The following POC1A variants were observed in gnomAD, a reference collection of about 807,000 sequenced individuals.
POC1A encodes POC1 centriolar protein A.
POC1A carries 34 observed loss-of-function variants against 47.8 expected under a neutral mutation model. The observed-to-expected ratio is 0.71, with a 90% confidence interval of 0.54 to 0.95. The LOEUF (loss-of-function observed/expected upper bound fraction) is 0.95, where lower values mean the gene tolerates loss of function less well. POC1A is among the 40% of genes least tolerant of loss of function. POC1A has a pLI of 0.00. For synonymous variants in POC1A, 177 were observed against 207.6 expected, an observed-to-expected ratio of 0.85 and a Z score of 1.27; for missense variants, 466 against 528.3, an observed-to-expected ratio of 0.88 and a Z score of 1.16.
intron 10 of POC1A, among the ~76,000 whole-genome samples, chr3:52,078,731 C>T (rs531337553): frequency 7.9e-5 from 12 of 152,266 alleles, no homozygotes; most frequent in African/African-American, 2.6e-4. Flanking sequence ...GATCTCCTGA[C>T]CTCGTGATCC....
chr3:52,076,669 G>A (rs936709349), intron 10 of POC1A, among the ~76,000 whole-genome samples: 2 of 152,282 alleles, frequency 1.3e-5, no homozygotes, highest in South Asian at 2.1e-4. Flanking sequence ...CAGTGCGAAA[G>A]ACAACCAAGC....
rs1173219607 is a variant in POC1A at position 52,090,897 on chromosome 3, C to T, written c.1125+5672G>A. Reference sequence around the variant, plus strand: ...AGATGAAAAGGCCCCAGGGGAAGTCCTGGCCCCATGTGAAGAGGCTGACCT... The same window carrying T: ...AGATGAAAAGGCCCCAGGGGAAGTCTTGGCCCCATGTGAAGAGGCTGACCT... On this transcript the variant is annotated intron_variant, in intron 10 of 10. Coordinates refer to ENST00000296484, the MANE Select transcript of POC1A (RefSeq NM_015426.5). This position sits in a 1 kb window ranked among gnomAD's most constrained non-coding sequence, Gnocchi z 4.2. Among the ~76,000 whole-genome samples the T allele has an allele frequency of 6.6e-6, 1 of 152,176 alleles. No individual in the cohort carries two copies. The highest frequency in any genetic ancestry group is 1.5e-5 in the Non-Finnish European group (1 of 68,006).
chr3:52,100,079 C>T (rs898111091), intron 9 of POC1A, among the ~76,000 whole-genome samples: 1 of 152,202 alleles, frequency 6.6e-6, no homozygotes, highest in African/African-American at 2.4e-5. Flanking sequence ...TGGCCTCTCA[C>T]AGTTGGTTAA....
rs1704339541 is a variant in POC1A, at chr3:52,134,014, A to G, written c.813+4155T>C. Among the ~76,000 whole-genome samples the G allele has an allele frequency of 2.6e-5, 4 of 152,184 alleles. No homozygotes were observed. In the South Asian group the frequency reaches 8.3e-4, roughly 32 times the overall value. On this transcript the variant is annotated intron_variant, in intron 7 of 10. Transcript: ENST00000296484. ...AGCAGGTCCCCTGCGTCCAAACCAA[A>G]GTTTCATGGGGCTCCCTTCTGTTGG...
At chr3:52,147,283 T>G (rs1260152320) in intron 4 of POC1A, among the ~76,000 whole-genome samples, 188 bp from the exon 5 acceptor site, 1 of 152,012 alleles carries the variant, frequency 6.6e-6, no homozygotes. Context: ...CAGGAACAAA[T>G]GCATTGCATC....
chr3:52,140,198 G>C (rs1577910078), intron 6 of POC1A, among the ~76,000 whole-genome samples: 1 of 152,206 alleles, frequency 6.6e-6, no homozygotes, highest in East Asian at 1.9e-4. Flanking sequence ...GGGGAGTCTG[G>C]ATACGTGTTC....
chr3:52,140,018 T>A (rs1385069388), intron 6 of POC1A, among the ~76,000 whole-genome samples: 1 of 152,148 alleles, frequency 6.6e-6, no homozygotes, highest in Non-Finnish European at 1.5e-5. Context: ...CAAGTCAGAA[T>A]TGCCACCAAC....
rs146590294 is a variant in POC1A at position 52,079,211 on chromosome 3, G to A, written c.1126-3226C>T. Among the ~76,000 whole-genome samples, 19 of 152,336 alleles carry A rather than the reference G, an allele frequency of 1.2e-4. No individual in the cohort carries two copies. Among genetic ancestry groups the A allele is most frequent in the Admixed American group, 3.9e-4 (6 of 15,308 alleles). On this transcript the variant is annotated intron_variant, in intron 10 of 10. Transcript: ENST00000296484. This position sits in a 1 kb window ranked among gnomAD's most constrained non-coding sequence, Gnocchi z 4.6. ...TAAGCACATCCCCACATACCCATACGAGGGTTCAGAAAATACATGCTACCT... is the reference window on the plus strand; with the variant it reads ...TAAGCACATCCCCACATACCCATACAAGGGTTCAGAAAATACATGCTACCT...
rs964607744 is a variant in POC1A, at chr3:52,119,408, T to C, written c.981+2971A>G. Reference sequence around the variant, plus strand: ...CATCAGAAGACTTTTTTTTTTTTTTTCCCAGAGACAGAGTCTCACTCTGTC... The same window carrying C: ...CATCAGAAGACTTTTTTTTTTTTTTCCCCAGAGACAGAGTCTCACTCTGTC... On this transcript the variant is annotated intron_variant, in intron 9 of 10. Coordinates refer to ENST00000296484, the MANE Select transcript of POC1A (RefSeq NM_015426.5). 1.7e-4 allele frequency among the ~76,000 whole-genome samples: 26 copies of C among 151,740 alleles called. No homozygotes were observed. The South Asian group carries it at 2.1e-3, about 12-fold the overall frequency.
At chr3:52,085,334 C>T (rs1184436831) in intron 10 of POC1A, among the ~76,000 whole-genome samples, 1 of 152,230 alleles carries the variant, frequency 6.6e-6, no homozygotes, top group African/African-American at 2.4e-5. Context: ...TCCCCATCCT[C>T]ACACCTAGGC....
At chr3:52,093,073 G>A (rs1168648297) in intron 10 of POC1A, among the ~76,000 whole-genome samples, 3 of 152,188 alleles carry the variant, frequency 2.0e-5, no homozygotes, top group African/African-American at 4.8e-5. Context: ...CCCTCAGCAT[G>A]GGTCAGGCCT....
intron 9 of POC1A, among the ~76,000 whole-genome samples, chr3:52,113,339 G>A (rs1388704527): frequency 3.9e-5 from 6 of 152,212 alleles, no homozygotes; most frequent in Non-Finnish European, 7.3e-5. Flanking sequence ...CCTGGATCTT[G>A]CGAACACCAC....
chr3:52,147,182 G>T, intron 4 of POC1A, 87 bp from the exon 5 acceptor site: 1 of 1,062,708 alleles, frequency 9.4e-7, no homozygotes, highest in Non-Finnish European at 1.4e-6. Flanking sequence ...TCTTCCCCGA[G>T]TGCCTACTAT....
chr3:52,154,409 C>T lies in POC1A; in HGVS notation c.-37G>A. The T allele has an allele frequency of 1.4e-6, 2 of 1,422,310 alleles. No homozygotes were observed. The highest frequency in any genetic ancestry group is 2.4e-4 in the Middle Eastern group (1 of 4,166). 88.1% of individuals were successfully genotyped at this position (1,422,310 alleles called of 1,614,324 possible). On this transcript the variant is annotated 5_prime_UTR_variant, in exon 1 of 11. Coordinates refer to ENST00000296484, the MANE Select transcript of POC1A (RefSeq NM_015426.5). ...CGGCGCCGAAGGCAGCTGCGGTGGC[C>T]GTTGCGGCCCGTTCAGTTTCCGCGC...
chr3:52,145,280 C>G (rs1377180414), intron 6 of POC1A, among the ~76,000 whole-genome samples: 1 of 152,222 alleles, frequency 6.6e-6, no homozygotes, highest in Non-Finnish European at 1.5e-5. Flanking sequence ...CCCATGCCCA[C>G]TGCCCGCCAC....
chr3:52,150,964 C>T, intron 2 of POC1A, 52 bp downstream of exon 2: 1 of 1,559,508 alleles, frequency 6.4e-7, no homozygotes, highest in Non-Finnish European at 8.8e-7. Context: ...GAGGTAAAAA[C>T]TTGGCCTGTT....
intron 7 of POC1A, among the ~76,000 whole-genome samples, chr3:52,136,901 T>C (rs1704491477): frequency 6.6e-6 from 1 of 152,252 alleles, no homozygotes; most frequent in Admixed American, 6.5e-5. Flanking sequence ...GATCACTTGA[T>C]AGGCATCTGT....
At chr3:52,114,028 G>C (rs1388274321) in intron 9 of POC1A, among the ~76,000 whole-genome samples, 1 of 152,274 alleles carries the variant, frequency 6.6e-6, no homozygotes, top group Non-Finnish European at 1.5e-5. Flanking sequence ...TCGGGGTGCA[G>C]AGAATTGAGA....
chr3:52,144,757 T>G (rs1259058457), intron 6 of POC1A, among the ~76,000 whole-genome samples: 1 of 152,286 alleles, frequency 6.6e-6, no homozygotes, highest in African/African-American at 2.4e-5. Flanking sequence ...CTCTCCACCA[T>G]GTGCTGTTCA....
Sources: gnomAD v4.1 joint callset for allele counts (sites outside exome capture counted in the v4.1 genomes callset) on GRCh38, gnomAD v4.1.1 for gene constraint, Gnocchi (gnomAD v3.1) non-coding constraint, MANE v1.5 for transcripts, NCBI Gene and HGNC (gene_info 2026-07-23, HGNC 2026-07-21) for gene names.